The following CRYL1 variants were observed in gnomAD, a reference collection of about 807,000 sequenced individuals.
CRYL1 encodes lambda-crystallin homolog.
Under a neutral mutation model 36.6 loss-of-function variants are expected in CRYL1, and 29 were observed. The ratio of observed to expected loss-of-function variants is 0.79; its 90% CI spans 0.59 to 1.08. The LOEUF (loss-of-function observed/expected upper bound fraction) is 1.08. CRYL1 is among the 50% of genes least tolerant of loss of function. CRYL1 has a pLI of 0.00. For synonymous variants in CRYL1, 152 were observed against 151.5 expected, an observed-to-expected ratio of 1.00 and a Z score of -0.02; for missense variants, 411 against 407.9, an observed-to-expected ratio of 1.01 and a Z score of -0.06.
At chr13:20,474,668 C>T (rs1391010252) in intron 3 of CRYL1, among the ~76,000 whole-genome samples, 8 of 152,112 alleles carry the variant, frequency 5.3e-5, no homozygotes, top group Admixed American at 5.2e-4. Flanking sequence ...GAGGCAGCGG[C>T]GACTCCCAAG....
At chr13:20,447,877 T>C (rs1361739358) in intron 3 of CRYL1, among the ~76,000 whole-genome samples, 2 of 152,192 alleles carry the variant, frequency 1.3e-5, no homozygotes, top group Admixed American at 6.5e-5. Flanking sequence ...ACATAAAAAC[T>C]GTTTGCCTCA....
intron 2 of CRYL1, among the ~76,000 whole-genome samples, chr13:20,497,881 T>C (rs2033641071): frequency 6.6e-6 from 1 of 150,600 alleles, no homozygotes; most frequent in South Asian, 2.1e-4. Flanking sequence ...CACAGTACAA[T>C]ATAAGGATTT....
chr13:20,420,701 T>TTTTGTGTGTG lies in CRYL1; in HGVS notation c.634-7315_634-7314insCACACACAAA. Among the ~76,000 whole-genome samples the TTTTGTGTGTG allele has an allele frequency of 3.1e-3, 68 of 21,872 alleles. 14 individuals carry two copies. The East Asian group carries it at 0.043, about 14-fold the overall frequency. The allele number at this position is 21,872 out of a possible 152,430, so 14.3% of individuals were successfully genotyped here. A position where few individuals can be genotyped will look rare whatever the true frequency, so the allele number is the denominator to read the frequency against. ...CTTTGACTTTTCTTTAAAATAGAGG[T>TTTTGTGTGTG]TGTGTGTGTGTGTGTGTGTGTGTGT... On this transcript the variant is annotated intron_variant, in intron 5 of 7. Transcript: ENST00000298248.
chr13:20,514,825 TA>T (rs2033973146), intron 1 of CRYL1, among the ~76,000 whole-genome samples: 2 of 152,112 alleles, frequency 1.3e-5, no homozygotes, highest in Admixed American at 6.5e-5. Flanking sequence ...AAAAATTGTC[TA>T]AAAAAATAAA....
At chr13:20,472,057 C>T (rs537553008) in intron 3 of CRYL1, among the ~76,000 whole-genome samples, 105 of 152,042 alleles carry the variant, frequency 6.9e-4, no homozygotes, top group Non-Finnish European at 1.3e-3. Context: ...GACCGGGTTT[C>T]GCCATATTGA....
At chr13:20,408,516 C>G (rs760010383) in intron 6 of CRYL1, among the ~76,000 whole-genome samples, 1 of 152,162 alleles carries the variant, frequency 6.6e-6, no homozygotes, top group Admixed American at 6.5e-5. Flanking sequence ...TACTGACCTG[C>G]GAGTCTAAAG....
At chr13:20,471,486 T>C (rs554506819) in intron 3 of CRYL1, among the ~76,000 whole-genome samples, 35 of 152,056 alleles carry the variant, frequency 2.3e-4, no homozygotes, top group African/African-American at 8.0e-4. Context: ...TCGCCTGTAG[T>C]CCCAGCTACT....
intron 4 of CRYL1, among the ~76,000 whole-genome samples, chr13:20,436,469 C>A (rs2032220103): frequency 6.6e-6 from 1 of 152,206 alleles, no homozygotes; most frequent in Admixed American, 6.5e-5. Context: ...TCCCTCAGCC[C>A]CTCCACGTGG....
chr13:20,478,434 C>T (rs1198576741), intron 3 of CRYL1, among the ~76,000 whole-genome samples: 1 of 152,124 alleles, frequency 6.6e-6, no homozygotes, highest in East Asian at 1.9e-4. Flanking sequence ...TATACCACAT[C>T]ATCCTTCCAA....
In CRYL1 at chr13:20,404,759, C is replaced by T; in HGVS notation, c.740-18G>A. 2 of 1,475,498 alleles carry T rather than the reference C, an allele frequency of 1.4e-6. No individual in the cohort carries two copies. Among genetic ancestry groups the T allele is most frequent in the Non-Finnish European group, 1.9e-6 (2 of 1,058,136 alleles). The allele number at this position is 1,475,498 out of a possible 1,614,324, so 91.4% of individuals were successfully genotyped here. A position where few individuals can be genotyped will look rare whatever the true frequency, so the allele number is the denominator to read the frequency against. On this transcript the variant is annotated intron_variant, in intron 6 of 7. Coordinates refer to ENST00000298248, the MANE Select transcript of CRYL1 (RefSeq NM_015974.3). ...TAACATACCTGGAATTGTATGAAGA[C>T]AAGAATCCACAATCTCAGAAAAAAA...
intron 6 of CRYL1, among the ~76,000 whole-genome samples, chr13:20,410,457 G>A (rs761884156): frequency 0.011 from 1,591 of 150,696 alleles, 34 homozygotes; most frequent in African/African-American, 0.035. Flanking sequence ...TGGGTGCAGC[G>A]CACCAGCATG....
chr13:20,516,190 C>CAAAAA (rs35780379), intron 1 of CRYL1, among the ~76,000 whole-genome samples: 2 of 73,270 alleles, frequency 2.7e-5, no homozygotes, highest in East Asian at 4.2e-4. Context: ...AACTCCATCT[C>CAAAAA]AAAAAAAAAA....
intron 7 of CRYL1, 78 bp from the exon 8 acceptor site, chr13:20,404,320 T>G (rs939641123): frequency 1.1e-6 from 1 of 947,086 alleles, no homozygotes; most frequent in African/African-American, 1.6e-5. Flanking sequence ...CTCTTGTTTA[T>G]GCAAACTGTG....
At chr13:20,414,762 G>A (rs1187275567) in intron 5 of CRYL1, among the ~76,000 whole-genome samples, 1 of 152,202 alleles carries the variant, frequency 6.6e-6, no homozygotes, top group African/African-American at 2.4e-5. Context: ...CGTGGCTTTG[G>A]GATGGAGGCA....
chr13:20,437,880 T>C (rs1455375271), intron 4 of CRYL1, among the ~76,000 whole-genome samples: 2 of 152,174 alleles, frequency 1.3e-5, no homozygotes, highest in Non-Finnish European at 2.9e-5. Flanking sequence ...AGCAAGAACA[T>C]GGGTTAGAAA....
chr13:20,489,803 A>G (rs1329434435), intron 2 of CRYL1, among the ~76,000 whole-genome samples: 2 of 152,202 alleles, frequency 1.3e-5, no homozygotes, highest in Non-Finnish European at 2.9e-5. Flanking sequence ...TATAAACCCA[A>G]AATAATGGAA....
chr13:20,507,640 T>C (rs368825049), intron 2 of CRYL1, among the ~76,000 whole-genome samples: 62 of 152,184 alleles, frequency 4.1e-4, no homozygotes, highest in East Asian at 1.2e-3. Flanking sequence ...ACGCCCAGGC[T>C]GGGCACAGTG....
chr13:20,435,749 G>C lies in CRYL1; in HGVS notation c.439-3453C>G. 6.6e-6 allele frequency among the ~76,000 whole-genome samples: 1 copy of C among 152,144 alleles called. No homozygotes were observed. Among genetic ancestry groups the C allele is most frequent in the African/African-American group, 2.4e-5 (1 of 41,464 alleles). On this transcript the variant is annotated intron_variant, in intron 4 of 7. Transcript: ENST00000298248. The surrounding 1 kb of genome is among the most constrained non-coding windows in gnomAD (Gnocchi z 4.0). Reference sequence around the variant, plus strand: ...GAGCACAAGGGACGCATTCTTCCCCGCCGCCCGGGCCCCATGTGACCGCGC... The same window carrying C: ...GAGCACAAGGGACGCATTCTTCCCCCCCGCCCGGGCCCCATGTGACCGCGC...
intron 4 of CRYL1, among the ~76,000 whole-genome samples, chr13:20,434,226 T>G (rs998051381): frequency 6.6e-5 from 10 of 152,174 alleles, no homozygotes; most frequent in African/African-American, 2.4e-4. Context: ...CCAGCTGGAC[T>G]CCCTGGGTCA....
Sources: allele counts gnomAD v4.1 joint callset (sites outside exome capture counted in the v4.1 genomes callset), GRCh38; gene constraint gnomAD v4.1.1; non-coding constraint Gnocchi (gnomAD v3.1); transcripts MANE v1.5; gene names NCBI Gene and HGNC (gene_info 2026-07-23, HGNC 2026-07-21).